The following RNF17 variants were observed in gnomAD, a reference collection of about 807,000 sequenced individuals.
RNF17 encodes the protein ring finger protein 17.
Under a neutral mutation model 200.5 loss-of-function variants are expected in RNF17, and 31 were observed. The ratio of observed to expected loss-of-function variants is 0.15; its 90% CI spans 0.12 to 0.21. The LOEUF is 0.21. Among genes scored for constraint, RNF17 ranks in the 10% least tolerant of loss-of-function variants. The pLI, the probability that RNF17 is intolerant of heterozygous loss-of-function variation, is 1.00. For synonymous variants in RNF17, 606 were observed against 637.8 expected, an observed-to-expected ratio of 0.95 and a Z score of 0.75; for missense variants, 1,628 against 1,905.1, an observed-to-expected ratio of 0.85 and a Z score of 2.71.
downstream of RNF17, among the ~76,000 whole-genome samples, chr13:24,881,874 CTATA>C (rs1205749788): frequency 1.7e-4 from 22 of 129,440 alleles, no homozygotes; most frequent in African/African-American, 5.9e-4. Flanking sequence ...ATAGATACAT[CTATA>C]TAGATATATA....
At chr13:24,789,013 A>G (rs1252319889) in intron 7 of RNF17, among the ~76,000 whole-genome samples, 2 of 152,158 alleles carry the variant, frequency 1.3e-5, no homozygotes, top group Non-Finnish European at 2.9e-5. Flanking sequence ...GAAAAAAATG[A>G]TAAAATTTGG....
intron 16 of RNF17, among the ~76,000 whole-genome samples, chr13:24,826,968 G>C (rs1323277879): frequency 6.6e-6 from 1 of 152,100 alleles, no homozygotes; most frequent in Non-Finnish European, 1.5e-5. Flanking sequence ...GCTGAGGCAG[G>C]AGAATCACTT....
the RNF17 span, among the ~76,000 whole-genome samples, chr13:24,748,734 G>T: frequency 3.5e-3 from 501 of 145,028 alleles, 9 homozygotes; most frequent in East Asian, 0.039. Flanking sequence ...GTTGTTGGTG[G>T]TGGTTTTTTT....
At chr13:24,855,722 A>G (rs1026061631) in intron 25 of RNF17, among the ~76,000 whole-genome samples, 1 of 152,200 alleles carries the variant, frequency 6.6e-6, no homozygotes, top group African/African-American at 2.4e-5. Flanking sequence ...CTACCAGTGC[A>G]TGAAGAGTCT....
rs193061112 is a variant in RNF17 at position 24,774,212 on chromosome 13, C to A, written c.226-601C>A. 7.4e-5 allele frequency among the ~76,000 whole-genome samples: 11 copies of A among 149,492 alleles called. No individual in the cohort carries two copies. The East Asian group carries it at 1.8e-3, about 24-fold the overall frequency. On this transcript the variant is annotated intron_variant, in intron 2 of 35. Transcript: ENST00000255324. ...ACATATGTTACTATTTTTTTTTTCACTTTTTTTGAAATAGAGTCTGGCTCT... is the reference window on the plus strand; with the variant it reads ...ACATATGTTACTATTTTTTTTTTCAATTTTTTTGAAATAGAGTCTGGCTCT...
chr13:24,854,786 T>TC (rs1892288546), intron 25 of RNF17, among the ~76,000 whole-genome samples: 1 of 152,180 alleles, frequency 6.6e-6, no homozygotes, highest in Non-Finnish European at 1.5e-5. Context: ...AAAGTAGAGT[T>TC]CAAATGAATT....
At chr13:24,846,763 A>G (rs1891300674) in intron 22 of RNF17, among the ~76,000 whole-genome samples, 1 of 152,232 alleles carries the variant, frequency 6.6e-6, no homozygotes, top group Non-Finnish European at 1.5e-5. Context: ...GTTGGGCTAC[A>G]TTCAAAGCTG....
At chr13:24,753,759 T>C in the RNF17 span, among the ~76,000 whole-genome samples, 5 of 152,228 alleles carry the variant, frequency 3.3e-5, no homozygotes, top group Non-Finnish European at 5.9e-5. Flanking sequence ...TAAAAATGTT[T>C]TGTTTTGTTT....
chr13:24,882,226 CTATATAGATAGATA>C (rs1953882923), downstream of RNF17: 2 of 104,120 alleles, frequency 1.9e-5, 1 homozygote, highest in Non-Finnish European at 4.4e-5. Context: ...ATAGATACAT[CTATATAGATAGATA>C]TATAGATACA....
At chr13:24,861,175 G>A (rs375059697) in intron 26 of RNF17, 93 bp from the exon 27 acceptor site, 178 of 1,076,574 alleles carry the variant, frequency 1.7e-4, no homozygotes, top group Admixed American at 6.5e-4. Context: ...CATCAAGCCC[G>A]GCCTGTCTTT....
intron 16 of RNF17, among the ~76,000 whole-genome samples, chr13:24,828,909 A>C (rs929813940): frequency 9.9e-5 from 15 of 151,958 alleles, no homozygotes; most frequent in African/African-American, 3.6e-4. Context: ...CCTGGGCTTA[A>C]GCAGTCCTCC....
intron 29 of RNF17, among the ~76,000 whole-genome samples, chr13:24,865,451 T>C (rs982444850): frequency 3.9e-5 from 6 of 152,210 alleles, no homozygotes; most frequent in Non-Finnish European, 7.3e-5. Context: ...AAGTGGCTCA[T>C]TCCTTGCCTG....
At chr13:24,844,550 C>T in intron 20 of RNF17, 102 bp from the exon 21 acceptor site, 1 of 922,354 alleles carries the variant, frequency 1.1e-6, no homozygotes, top group Non-Finnish European at 1.6e-6. Context: ...AGGTGCCCAG[C>T]TTGGCTGGAG....
chr13:24,861,416 T>C, intron 27 of RNF17, 29 bp downstream of exon 27: 4 of 1,340,090 alleles, frequency 3.0e-6, no homozygotes, highest in Non-Finnish European at 4.0e-6. Context: ...GTGGAATGAT[T>C]AATTTTAAAT....
At chr13:24,858,295 G>A (rs1357148915) in intron 25 of RNF17, among the ~76,000 whole-genome samples, 1 of 152,136 alleles carries the variant, frequency 6.6e-6, no homozygotes, top group Admixed American at 6.5e-5. Context: ...CAGAAACTTT[G>A]CTTGACATGT....
the RNF17 span, among the ~76,000 whole-genome samples, chr13:24,886,986 A>G: frequency 2.6e-5 from 4 of 152,172 alleles, no homozygotes; most frequent in African/African-American, 9.7e-5. Flanking sequence ...GTGCAAGCAC[A>G]CTGTCTAGAG....
At chr13:24,869,070 C>T (rs17081299) in intron 31 of RNF17, among the ~76,000 whole-genome samples, 53,068 of 151,984 alleles carry the variant, frequency 0.35, 9,886 homozygotes, top group Admixed American at 0.43. Context: ...TGGCTGACAC[C>T]GTGTTCCACT....
downstream of RNF17, chr13:24,884,385 T>G (rs781415189): frequency 1.9e-6 from 3 of 1,614,104 alleles, no homozygotes; most frequent in Non-Finnish European, 2.5e-6. Flanking sequence ...GTGATGGTCT[T>G]CCCATCTGCA....
the RNF17 span, among the ~76,000 whole-genome samples, chr13:24,748,233 C>T: frequency 6.6e-6 from 1 of 152,212 alleles, no homozygotes; most frequent in African/African-American, 2.4e-5. Context: ...CTCTCCACAA[C>T]CAAGTGGAGC....
Sources: allele counts gnomAD v4.1 joint callset (sites outside exome capture counted in the v4.1 genomes callset), GRCh38; gene constraint gnomAD v4.1.1; transcripts MANE v1.5; gene names NCBI Gene and HGNC (gene_info 2026-07-23, HGNC 2026-07-21).